ABCC1: variants seen among roughly 807,000 people sequenced by gnomAD.
ABCC1 encodes multidrug resistance-associated protein 1.
In ABCC1, 83 loss-of-function variants were observed where a neutral mutation model predicts 172.9. The ratio of observed to expected loss-of-function variants is 0.48; its 90% CI spans 0.40 to 0.58. ABCC1 has a LOEUF of 0.58. Among genes scored for constraint, ABCC1 ranks in the 20% least tolerant of loss-of-function variants. The pLI is 0.00. For synonymous variants in ABCC1, 937 were observed against 825.2 expected (o/e 1.14, Z -2.32); for missense variants, 1,817 against 2,002.7 (o/e 0.91, Z 1.77).
chr16:16,003,947 G>GC (rs968618495), intron 1 of ABCC1, among the ~76,000 whole-genome samples: 2 of 151,010 alleles, frequency 1.3e-5, no homozygotes, highest in African/African-American at 4.9e-5. Context: ...AATTGGTTGG[G>GC]GGGGGTGGAT....
At chr16:16,016,406 G>A (rs2047998697) in intron 4 of ABCC1, 90 bp from the exon 5 acceptor site, 10 of 1,517,972 alleles carry the variant, frequency 6.6e-6, no homozygotes, top group Non-Finnish European at 7.2e-6. Context: ...TGCCTGTCTC[G>A]GCCTCCAAAA....
chr16:16,066,007 CACT>C (rs1408573423), intron 12 of ABCC1, among the ~76,000 whole-genome samples: 1 of 152,034 alleles, frequency 6.6e-6, no homozygotes, highest in African/African-American at 2.4e-5. Flanking sequence ...TGACAATCAC[CACT>C]AATTCCAGGA....
At chr16:15,996,936 A>G (rs2047077017) in intron 1 of ABCC1, among the ~76,000 whole-genome samples, 4 of 152,060 alleles carry the variant, frequency 2.6e-5, no homozygotes, top group Admixed American at 2.6e-4. Flanking sequence ...ATGAACACAC[A>G]AAGGTCAGGG....
intron 17 of ABCC1, among the ~76,000 whole-genome samples, chr16:16,085,252 C>T (rs1024708385): frequency 2.6e-5 from 4 of 152,200 alleles, no homozygotes; most frequent in Non-Finnish European, 1.5e-5. Context: ...CCCTGCCCAC[C>T]TCCACACCTT....
At chr16:16,063,621 A>G (rs2050000269) in intron 12 of ABCC1, among the ~76,000 whole-genome samples, 1 of 152,188 alleles carries the variant, frequency 6.6e-6, no homozygotes, top group Non-Finnish European at 1.5e-5. Context: ...CACAAAACTA[A>G]AAAGTCTAGA....
intron 1 of ABCC1, among the ~76,000 whole-genome samples, chr16:15,981,448 T>G (rs182036899): frequency 3.0e-4 from 46 of 152,328 alleles, no homozygotes; most frequent in Middle Eastern, 3.4e-3. Context: ...TCCCAAACCT[T>G]GATTCTTGAC....
intron 11 of ABCC1, among the ~76,000 whole-genome samples, chr16:16,054,595 G>T (rs935006413): frequency 6.9e-6 from 1 of 145,018 alleles, no homozygotes; most frequent in Non-Finnish European, 1.5e-5. Context: ...GCCTCACGTG[G>T]TAGGGTTGGG....
At chr16:15,969,584 C>T (rs528496295) in intron 1 of ABCC1, among the ~76,000 whole-genome samples, 6 of 130,452 alleles carry the variant, frequency 4.6e-5, no homozygotes, top group African/African-American at 1.8e-4. Flanking sequence ...GTTGGCCAGG[C>T]TGGTCTCAAA....
intron 18 of ABCC1, among the ~76,000 whole-genome samples, 162 bp from the exon 19 acceptor site, chr16:16,090,243 C>T (rs534611936): frequency 5.9e-5 from 9 of 152,330 alleles, no homozygotes; most frequent in Non-Finnish European, 1.0e-4. Context: ...ACAGGTTCAG[C>T]TGCTCCTGGA....
chr16:16,038,694 CT>C (rs2048849992), intron 7 of ABCC1, among the ~76,000 whole-genome samples: 1 of 152,206 alleles, frequency 6.6e-6, no homozygotes, highest in Non-Finnish European at 1.5e-5. Flanking sequence ...AACTTGACCC[CT>C]AACATCACCC....
At chr16:16,090,668 C>T in intron 19 of ABCC1, 80 bp downstream of exon 19, 3 of 1,427,698 alleles carry the variant, frequency 2.1e-6, no homozygotes, top group Non-Finnish European at 9.3e-7. Context: ...GAGGTTGCCA[C>T]CAGCCACTTG....
chr16:16,138,576 G>A lies in ABCC1; in HGVS notation c.4487+18G>A, dbSNP rs212088. ...TACACAAGGTGATGCCACTGGCACA[G>A]TGGCCTCTAGGCTTTGGGAGTTTGC... is the stretch of plus-strand genomic sequence containing the variant. On this transcript the variant is annotated intron_variant, in intron 30 of 30. Coordinates refer to ENST00000399410, the MANE Select transcript of ABCC1 (RefSeq NM_004996.4). 270,257 of 1,549,228 alleles carry A rather than the reference G, an allele frequency of 0.17. 24,529 individuals carry two copies. The highest frequency in any genetic ancestry group is 0.26 in the East Asian group (11,079 of 43,080).
chr16:15,999,206 C>T (rs1004417030), intron 1 of ABCC1, among the ~76,000 whole-genome samples: 5 of 151,984 alleles, frequency 3.3e-5, no homozygotes, highest in South Asian at 2.1e-4. Context: ...AGGGTTTCAC[C>T]GTGTTAGCCA....
intron 1 of ABCC1, among the ~76,000 whole-genome samples, chr16:15,959,141 T>TG (rs2046071395): frequency 1.3e-5 from 2 of 152,258 alleles, no homozygotes; most frequent in African/African-American, 4.8e-5. Flanking sequence ...ATTGGCTTAC[T>TG]GGGGTTGCCT....
rs2051330480 is a variant in ABCC1 at position 16,093,380 on chromosome 16, C to T, written c.2644+2792C>T. On this transcript the variant is annotated intron_variant, in intron 19 of 30. Transcript: ENST00000399410. ...CTCTTGGCCCCAGATAGGTTCCGCA[C>T]CCCCGCCTTTCTTTCCCAGCTGCTA... Among the ~76,000 whole-genome samples, 2 of 151,928 alleles carry T rather than the reference C, an allele frequency of 1.3e-5. 1 individual carries two copies. Among genetic ancestry groups the T allele is most frequent in the South Asian group, 4.2e-4 (2 of 4,816 alleles).
chr16:16,033,287 A>C, intron 6 of ABCC1, 117 bp downstream of exon 6: 2 of 1,042,684 alleles, frequency 1.9e-6, no homozygotes, highest in South Asian at 2.7e-5. Flanking sequence ...GCTCTTCTGC[A>C]GAGTTGTCTT....
intron 1 of ABCC1, among the ~76,000 whole-genome samples, chr16:15,973,552 C>T (rs1004868580): frequency 4.6e-5 from 7 of 152,114 alleles, no homozygotes. Flanking sequence ...TAGGGTAATG[C>T]TGCAATATGT....
intron 26 of ABCC1, 71 bp from the exon 27 acceptor site, chr16:16,131,718 A>T: frequency 6.5e-7 from 1 of 1,541,168 alleles, no homozygotes; most frequent in Non-Finnish European, 8.8e-7. Flanking sequence ...GTGAGAGGGG[A>T]GGTCAGGGGA....
intron 1 of ABCC1, among the ~76,000 whole-genome samples, chr16:15,966,045 C>G (rs2046235086): frequency 6.6e-6 from 1 of 151,924 alleles, no homozygotes; most frequent in Non-Finnish European, 1.5e-5. Context: ...GTGAGCTGGC[C>G]CAGCTCACCG....
Sources: gnomAD v4.1 joint callset for allele counts (sites outside exome capture counted in the v4.1 genomes callset) on GRCh38, gnomAD v4.1.1 for gene constraint, MANE v1.5 for transcripts, NCBI Gene and HGNC (gene_info 2026-07-23, HGNC 2026-07-21) for gene names.